Variants in MAGI1 observed in about 807,000 individuals in gnomAD.
MAGI1 encodes the protein membrane associated guanylate kinase, WW and PDZ domain containing 1.
In MAGI1, 58 loss-of-function variants were observed where a neutral mutation model predicts 139.9. The observed-to-expected ratio is 0.41, with a 90% confidence interval of 0.34 to 0.52. The LOEUF (loss-of-function observed/expected upper bound fraction) is 0.52, where lower values mean the gene tolerates loss of function less well. Among genes scored for constraint, MAGI1 ranks in the 20% least tolerant of loss-of-function variants. The pLI, the probability that MAGI1 is intolerant of heterozygous loss-of-function variation, is 0.12. For synonymous variants in MAGI1, 812 were observed against 737.9 expected (o/e 1.10, Z -1.63); for missense variants, 1,874 against 1,901.6 (o/e 0.99, Z 0.27).
chr3:65,494,423 G>T (rs1033346130), intron 2 of MAGI1, among the ~76,000 whole-genome samples: 1 of 152,094 alleles, frequency 6.6e-6, no homozygotes, highest in Non-Finnish European at 1.5e-5. Context: ...CCCAATCTCA[G>T]TCAACAAAGT....
At chr3:65,750,912 T>C (rs1488150642) in intron 1 of MAGI1, among the ~76,000 whole-genome samples, 1 of 152,208 alleles carries the variant, frequency 6.6e-6, no homozygotes, top group Non-Finnish European at 1.5e-5. Context: ...CTAGGTGTCA[T>C]GAGACATTAA....
chr3:65,759,819 G>A (rs2036867746), intron 1 of MAGI1, among the ~76,000 whole-genome samples: 1 of 152,104 alleles, frequency 6.6e-6, no homozygotes, highest in South Asian at 2.1e-4. Context: ...GTAGTGAAGA[G>A]GTGAGAAAGA....
chr3:65,769,394 C>G (rs1356442308), intron 1 of MAGI1, among the ~76,000 whole-genome samples: 1 of 152,086 alleles, frequency 6.6e-6, no homozygotes, highest in Admixed American at 6.6e-5. Flanking sequence ...GAGGCTGAGG[C>G]AGGAAGATCA....
intron 1 of MAGI1, among the ~76,000 whole-genome samples, chr3:65,768,803 A>C (rs147763915): frequency 6.6e-5 from 10 of 152,204 alleles, no homozygotes; most frequent in African/African-American, 2.4e-4. Context: ...CAGTGGCATT[A>C]CTTTAAAGAA....
chr3:65,471,371 AC>A (rs1317808872), intron 4 of MAGI1, among the ~76,000 whole-genome samples: 1 of 152,242 alleles, frequency 6.6e-6, no homozygotes, highest in Non-Finnish European at 1.5e-5. Context: ...TCTATCTCCC[AC>A]AGTAATTCTG....
intron 1 of MAGI1, among the ~76,000 whole-genome samples, chr3:66,001,323 A>T (rs1378572698): frequency 2.6e-5 from 4 of 152,238 alleles, no homozygotes; most frequent in Non-Finnish European, 5.9e-5. Context: ...TTGAATATTC[A>T]AAAAAGATAT....
intron 1 of MAGI1, among the ~76,000 whole-genome samples, chr3:65,953,379 C>T (rs906787110): frequency 1.3e-5 from 2 of 152,160 alleles, no homozygotes; most frequent in African/African-American, 2.4e-5. Flanking sequence ...CCACTCTTAT[C>T]TAAAATATGC....
chr3:65,877,962 T>G (rs913029383), intron 1 of MAGI1, among the ~76,000 whole-genome samples: 2 of 151,478 alleles, frequency 1.3e-5, no homozygotes, highest in Admixed American at 6.6e-5. Context: ...TTTTAAAAAA[T>G]TAGTCAGGCA....
At chr3:65,469,620 A>G (rs1328981620) in intron 5 of MAGI1, 1 of 151,894 alleles carries the variant, frequency 6.6e-6, no homozygotes, top group Non-Finnish European at 1.5e-5. Flanking sequence ...ACAGACCTAA[A>G]CACAAAATGT....
chr3:65,709,214 G>C (rs2030940840), intron 1 of MAGI1, among the ~76,000 whole-genome samples: 1 of 152,162 alleles, frequency 6.6e-6, no homozygotes, highest in Admixed American at 6.5e-5. Context: ...GTAATGAAAA[G>C]GGGCAACGAG....
chr3:65,750,627 C>T (rs1373382443), intron 1 of MAGI1, among the ~76,000 whole-genome samples: 1 of 152,174 alleles, frequency 6.6e-6, no homozygotes, highest in East Asian at 1.9e-4. Context: ...TTCTCCAAAG[C>T]AGTCAACGAA....
At chr3:65,446,660 C>T (rs528349928) in intron 7 of MAGI1, among the ~76,000 whole-genome samples, 10 of 152,176 alleles carry the variant, frequency 6.6e-5, no homozygotes, top group Admixed American at 3.9e-4. Context: ...ATGATTAAGA[C>T]ACTCATTTTG....
chr3:65,359,280 G>T, intron 22 of MAGI1: 1 of 1,495,052 alleles, frequency 6.7e-7, no homozygotes. Flanking sequence ...TGTTAACATA[G>T]GGCAAAGAGA....
intron 1 of MAGI1, among the ~76,000 whole-genome samples, chr3:66,014,350 G>A (rs1451221433): frequency 6.6e-6 from 1 of 152,186 alleles, no homozygotes; most frequent in African/African-American, 2.4e-5. Context: ...CAGGTCAGCA[G>A]TAGCTGTGAT....
At chr3:65,979,094 C>CCCCCCG in intron 1 of MAGI1, among the ~76,000 whole-genome samples, 1 of 53,018 alleles carries the variant, frequency 1.9e-5, no homozygotes, top group Non-Finnish European at 4.5e-5. Context: ...TTCTTCCCCC[C>CCCCCCG]CCCCGCCACC....
chr3:65,417,091 C>T (rs1298046649), intron 12 of MAGI1, among the ~76,000 whole-genome samples: 2 of 151,988 alleles, frequency 1.3e-5, no homozygotes, highest in African/African-American at 4.8e-5. Flanking sequence ...AAAATGCTTC[C>T]GATAGAAGTA....
intron 1 of MAGI1, among the ~76,000 whole-genome samples, chr3:65,636,411 C>A (rs2084620922): frequency 6.6e-6 from 1 of 152,144 alleles, no homozygotes; most frequent in Non-Finnish European, 1.5e-5. Flanking sequence ...TATTTTCATT[C>A]CACCTCACTG....
In MAGI1 at chr3:65,651,183, C is replaced by T. The variant is rs116620957; in HGVS notation, c.314-29095G>A. Among the ~76,000 whole-genome samples, 601 of 152,222 alleles carry T rather than the reference C, an allele frequency of 3.9e-3. 6 individuals carry two copies. Among genetic ancestry groups the T allele is most frequent in the African/African-American group, 0.013 (559 of 41,550 alleles). ...TGCCCACTGCTCTTCTAGGATCACG[C>T]GTCACACAGTAGAATGAAATCCCAC... On this transcript the variant is annotated intron_variant, in intron 1 of 22. Transcript: ENST00000402939.
At chr3:65,627,093 C>T (rs568955542) in intron 1 of MAGI1, among the ~76,000 whole-genome samples, 5 of 152,294 alleles carry the variant, frequency 3.3e-5, no homozygotes, top group Admixed American at 6.5e-5. Context: ...AAAATTACAA[C>T]GCCGTATTTT....
Sources: gnomAD v4.1 joint callset for allele counts (sites outside exome capture counted in the v4.1 genomes callset) on GRCh38, gnomAD v4.1.1 for gene constraint, MANE v1.5 for transcripts, NCBI Gene and HGNC (gene_info 2026-07-23, HGNC 2026-07-21) for gene names.